TNR: variants seen among roughly 807,000 people sequenced by gnomAD.
TNR encodes tenascin R.
Under a neutral mutation model 150.4 loss-of-function variants are expected in TNR, and 45 were observed. That is an observed-to-expected ratio of 0.30 (90% CI 0.24 to 0.38). The LOEUF is 0.38. TNR is among the 10% of genes least tolerant of loss of function. The probability of loss-of-function intolerance (pLI) is 1.00; values close to 1 mark genes in which losing one functional copy is unlikely to be tolerated. For missense variants in TNR, 1,544 were observed against 1,759.1 expected, an observed-to-expected ratio of 0.88 and a Z score of 2.19; for synonymous variants, 687 against 678.4, an observed-to-expected ratio of 1.01 and a Z score of -0.20.
chr1:175,510,063 TA>T (rs958406182), intron 2 of TNR, among the ~76,000 whole-genome samples: 3 of 151,570 alleles, frequency 2.0e-5, no homozygotes, highest in Non-Finnish European at 4.4e-5. Flanking sequence ...CCTGTCTCTA[TA>T]AAAAAAATAT....
intron 19 of TNR, among the ~76,000 whole-genome samples, chr1:175,336,223 C>T (rs1650245101): frequency 6.6e-6 from 1 of 152,246 alleles, no homozygotes. Context: ...CAGCTAGTAA[C>T]TGTCATCGTC....
intron 1 of TNR, among the ~76,000 whole-genome samples, chr1:175,623,816 C>CA (rs1664057966): frequency 6.6e-6 from 1 of 152,222 alleles, no homozygotes; most frequent in Non-Finnish European, 1.5e-5. Context: ...CCTATCCCCC[C>CA]ATACTACAGA....
chr1:175,447,547 T>C (rs570878492), intron 2 of TNR, among the ~76,000 whole-genome samples: 1 of 152,338 alleles, frequency 6.6e-6, no homozygotes, highest in Admixed American at 6.5e-5. Context: ...ATTTTCTCTA[T>C]AAATCAGCAA....
At chr1:175,669,720 C>G (rs1214706299) in intron 1 of TNR, among the ~76,000 whole-genome samples, 1 of 152,212 alleles carries the variant, frequency 6.6e-6, no homozygotes, top group South Asian at 2.1e-4. Flanking sequence ...CATGCAGAAT[C>G]AGAGCTGGCT....
At chr1:175,690,047 G>A (rs1666314730) in intron 1 of TNR, among the ~76,000 whole-genome samples, 1 of 152,208 alleles carries the variant, frequency 6.6e-6, no homozygotes, top group African/African-American at 2.4e-5. Flanking sequence ...GAGTTGGTAA[G>A]CAAGTTCAAG....
At chr1:175,588,972 C>A (rs1365753450) in intron 1 of TNR, among the ~76,000 whole-genome samples, 1 of 152,078 alleles carries the variant, frequency 6.6e-6, no homozygotes, top group East Asian at 1.9e-4. Flanking sequence ...AGCCCAAGCA[C>A]CCATTTCAAC....
In TNR at chr1:175,363,846, T is replaced by C; in HGVS notation, c.2588-19A>G. On this transcript the variant is annotated intron_variant, in intron 12 of 22. Transcript: ENST00000367674. ...TCAATTCCTACAAGGACCCAGTGAT[T>C]GTGGGAAAAAGACAGAAAGCACAGT... The C allele has an allele frequency of 6.3e-7, 1 of 1,598,334 alleles. No individual in the cohort carries two copies. The highest frequency in any genetic ancestry group is 8.5e-7 in the Non-Finnish European group (1 of 1,171,288).
rs530440680 is a variant in TNR, at chr1:175,647,682, A to G, written c.-165+95544T>C. Among the ~76,000 whole-genome samples the G allele has an allele frequency of 1.8e-4, 27 of 152,310 alleles. No homozygotes were observed. In the South Asian group the frequency reaches 5.2e-3, roughly 29 times the overall value. ...TCCCACTGTGCTTTGGAAAGCCTGG[A>G]GTCCTCAGCAGACTTGAGCTTCTTT... is the stretch of plus-strand genomic sequence containing the variant. On this transcript the variant is annotated intron_variant, in intron 1 of 22. Transcript: ENST00000367674.
rs141120811 is a variant in TNR at position 175,565,489 on chromosome 1, C to T, written c.-164-37120G>A. Among the ~76,000 whole-genome samples the T allele has an allele frequency of 3.8e-4, 58 of 152,306 alleles. 3 individuals carry two copies. The East Asian group carries it at 5.2e-3, about 14-fold the overall frequency. ...ATGCCACCCACTGGGAGCAATTCCA[C>T]GTAAGGAAGTTATTTCTCACTGAGA... is the stretch of plus-strand genomic sequence containing the variant. On this transcript the variant is annotated intron_variant, in intron 1 of 22. Coordinates refer to ENST00000367674, the MANE Select transcript of TNR (RefSeq NM_003285.3).
At chr1:175,733,029 C>T (rs901382613) in intron 1 of TNR, among the ~76,000 whole-genome samples, 3 of 152,210 alleles carry the variant, frequency 2.0e-5, no homozygotes, top group Admixed American at 6.5e-5. Context: ...TGCCACAGTG[C>T]CTCCTTCATC....
chr1:175,434,790 G>A (rs1655423831), intron 2 of TNR, among the ~76,000 whole-genome samples: 1 of 152,092 alleles, frequency 6.6e-6, no homozygotes, highest in African/African-American at 2.4e-5. Flanking sequence ...ATTTGCTCCT[G>A]TTGCTCCTCT....
chr1:175,499,623 C>A (rs1389722514), intron 2 of TNR, among the ~76,000 whole-genome samples: 1 of 152,214 alleles, frequency 6.6e-6, no homozygotes, highest in Non-Finnish European at 1.5e-5. Context: ...CTTCCTCTGA[C>A]TAGGTTTTTC....
intron 2 of TNR, among the ~76,000 whole-genome samples, chr1:175,432,042 G>A (rs1019474570): frequency 4.6e-5 from 7 of 151,810 alleles, no homozygotes; most frequent in African/African-American, 9.7e-5. Flanking sequence ...GGCATCATGC[G>A]TGAGCCTCTG....
intron 1 of TNR, among the ~76,000 whole-genome samples, chr1:175,596,144 A>G (rs372542883): frequency 2.0e-5 from 3 of 152,334 alleles, no homozygotes; most frequent in African/African-American, 2.4e-5. Context: ...TTGGCTACAC[A>G]ATGTTTTTTT....
rs1484823023 is a variant in TNR at position 175,656,046 on chromosome 1, G to T, written c.-165+87180C>A. On this transcript the variant is annotated intron_variant, in intron 1 of 22. Transcript: ENST00000367674. ...TGCCCCATGCAGAGGAAGGGGCAGT[G>T]GCACACTGAAGCACCAAGCCACAAG... Among the ~76,000 whole-genome samples the T allele has an allele frequency of 2.6e-5, 4 of 152,256 alleles. No homozygotes were observed. In the South Asian group the frequency reaches 6.2e-4, roughly 24 times the overall value.
At chr1:175,524,796 A>G (rs1190872596) in intron 2 of TNR, among the ~76,000 whole-genome samples, 1 of 152,218 alleles carries the variant, frequency 6.6e-6, no homozygotes, top group Non-Finnish European at 1.5e-5. Context: ...AGATGTTGAG[A>G]GCAAACACAA....
At chr1:175,444,009 C>A (rs1051495679) in intron 2 of TNR, among the ~76,000 whole-genome samples, 1 of 152,108 alleles carries the variant, frequency 6.6e-6, no homozygotes, top group African/African-American at 2.4e-5. Context: ...TATGGGAGAG[C>A]TTTAGGCTTC....
intron 1 of TNR, among the ~76,000 whole-genome samples, chr1:175,626,113 G>T (rs371922699): frequency 6.6e-6 from 1 of 152,126 alleles, no homozygotes; most frequent in East Asian, 1.9e-4. Flanking sequence ...CATGTAAGAA[G>T]TGCCTTTCAC....
intron 1 of TNR, among the ~76,000 whole-genome samples, chr1:175,705,480 T>C (rs1020411488): frequency 1.1e-4 from 16 of 152,280 alleles, no homozygotes; most frequent in African/African-American, 3.6e-4. Flanking sequence ...GATAAAGATA[T>C]GGTTTATGAG....
Sources: allele counts gnomAD v4.1 joint callset (sites outside exome capture counted in the v4.1 genomes callset), GRCh38; gene constraint gnomAD v4.1.1; transcripts MANE v1.5; gene names NCBI Gene and HGNC (gene_info 2026-07-23, HGNC 2026-07-21).